Variants in STAU2 observed in about 807,000 individuals in gnomAD.
The protein encoded by STAU2 is staufen double-stranded RNA binding protein 2, also known as double-stranded RNA-binding protein Staufen homolog 2.
A neutral mutation model predicts 65.9 loss-of-function variants in STAU2; 20 were observed. The observed-to-expected ratio is 0.30, with a 90% CI of 0.21 to 0.44. The LOEUF is 0.44. Ranked by LOEUF, STAU2 falls within the 20% of genes least tolerant of loss-of-function variation. The pLI is 1.00. For synonymous variants in STAU2, 232 were observed against 233.9 expected (o/e 0.99, Z 0.07); for missense variants, 558 against 683.9 (o/e 0.82, Z 2.05).
intron 9 of STAU2, among the ~76,000 whole-genome samples, chr8:73,613,135 G>A (rs548141937): frequency 6.6e-6 from 1 of 152,360 alleles, no homozygotes; most frequent in East Asian, 1.9e-4. Flanking sequence ...TGGTTGCTAT[G>A]TGGATTAAAT....
intron 6 of STAU2, among the ~76,000 whole-genome samples, chr8:73,671,398 AAAAAAAAAC>A (rs1465043804): frequency 7.7e-6 from 1 of 129,358 alleles, no homozygotes; most frequent in Non-Finnish European, 1.7e-5. Flanking sequence ...ACAAACAAAC[AAAAAAAAAC>A]AAAAAAAACA....
chr8:73,741,150 A>G (rs1806834618), intron 1 of STAU2, among the ~76,000 whole-genome samples: 1 of 149,448 alleles, frequency 6.7e-6, no homozygotes, highest in South Asian at 2.1e-4. Flanking sequence ...CTAAAAATAC[A>G]AAATATTAGC....
intron 6 of STAU2, among the ~76,000 whole-genome samples, chr8:73,665,501 T>C (rs1414076864): frequency 1.3e-5 from 2 of 152,232 alleles, no homozygotes; most frequent in African/African-American, 2.4e-5. Flanking sequence ...CTTTTTCCTA[T>C]TGGGTTGAAC....
chr8:73,470,686 C>T (rs890816472), intron 13 of STAU2, among the ~76,000 whole-genome samples: 12 of 151,976 alleles, frequency 7.9e-5, no homozygotes, highest in Non-Finnish European at 1.3e-4. Context: ...TGCCTGTAAT[C>T]CCAGCTACAC....
intron 3 of STAU2, among the ~76,000 whole-genome samples, chr8:73,723,974 T>C (rs1248832355): frequency 6.6e-6 from 1 of 152,242 alleles, no homozygotes; most frequent in Non-Finnish European, 1.5e-5. Context: ...AGTTGAGTAA[T>C]TTGGAAATAG....
chr8:73,700,284 C>T (rs1167347065), intron 4 of STAU2, among the ~76,000 whole-genome samples: 1 of 152,030 alleles, frequency 6.6e-6, no homozygotes, highest in African/African-American at 2.4e-5. Context: ...CCACTTTCAC[C>T]ACTGTTATTC....
chr8:73,735,436 C>T (rs998420304), intron 3 of STAU2, among the ~76,000 whole-genome samples: 1 of 152,188 alleles, frequency 6.6e-6, no homozygotes, highest in Non-Finnish European at 1.5e-5. Context: ...TAGGAATACA[C>T]TTCTGTTAAG....
At chr8:73,492,361 A>G (rs1585867273) in intron 13 of STAU2, among the ~76,000 whole-genome samples, 2 of 151,808 alleles carry the variant, frequency 1.3e-5, no homozygotes, top group Admixed American at 1.3e-4. Context: ...TCACAGCAGT[A>G]CTCATTACCT....
rs565813048 is a variant in STAU2, at chr8:73,546,049, C to T, written c.1530+5963G>A. Among the ~76,000 whole-genome samples the T allele has an allele frequency of 6.8e-5, 5 of 73,476 alleles. No individual in the cohort carries two copies. The South Asian group carries it at 1.1e-3, about 16-fold the overall frequency. The allele number at this position is 73,476 out of a possible 152,430, so 48.2% of individuals were successfully genotyped here. On this transcript the variant is annotated intron_variant, in intron 13 of 14. Coordinates refer to ENST00000524300, the MANE Select transcript of STAU2 (RefSeq NM_001164380.2). The stretch of plus-strand genomic sequence containing the variant: ...TTCCGCCTCCCTGGTTCAAGCACTT[C>T]TCCTGCCTCAGTCTCCCAGTAGCTG...
At chr8:73,550,979 G>A in intron 13 of STAU2, 1 of 985,664 alleles carries the variant, frequency 1.0e-6, no homozygotes, top group Non-Finnish European at 1.2e-6. Flanking sequence ...ATCTTCTAGA[G>A]CATTTCTAAA....
chr8:73,467,101 A>G (rs931700378), intron 13 of STAU2, among the ~76,000 whole-genome samples: 10 of 152,266 alleles, frequency 6.6e-5, no homozygotes, highest in African/African-American at 2.4e-4. Context: ...ATAAGTTGAC[A>G]TCTTCCATTT....
chr8:73,609,444 G>T (rs914940078), intron 9 of STAU2, among the ~76,000 whole-genome samples: 1 of 151,852 alleles, frequency 6.6e-6, no homozygotes, highest in Non-Finnish European at 1.5e-5. Flanking sequence ...ATGAGGTCAG[G>T]AGATCAAGAC....
chr8:73,449,704 T>C (rs1004419313), intron 13 of STAU2, among the ~76,000 whole-genome samples: 2 of 152,172 alleles, frequency 1.3e-5, no homozygotes, highest in African/African-American at 2.4e-5. Context: ...CAGGACAGAT[T>C]AAGCTCCCTC....
intron 5 of STAU2, among the ~76,000 whole-genome samples, chr8:73,680,208 A>G (rs1210820866): frequency 4.6e-5 from 7 of 151,108 alleles, no homozygotes; most frequent in Non-Finnish European, 1.0e-4. Context: ...AGATATGAGA[A>G]CAGAAGCCAC....
chr8:73,469,884 T>C (rs1819887786), intron 13 of STAU2, among the ~76,000 whole-genome samples: 1 of 152,170 alleles, frequency 6.6e-6, no homozygotes, highest in African/African-American at 2.4e-5. Context: ...CTAATTGATG[T>C]GGCTTTTAAA....
At chr8:73,447,072 G>T (rs1226786527) in intron 13 of STAU2, among the ~76,000 whole-genome samples, 1 of 152,126 alleles carries the variant, frequency 6.6e-6, no homozygotes, top group African/African-American at 2.4e-5. Context: ...CTCCCAAGTA[G>T]CTGGGACTAC....
intron 6 of STAU2, among the ~76,000 whole-genome samples, chr8:73,631,846 A>C (rs946088344): frequency 2.0e-5 from 3 of 152,206 alleles, no homozygotes; most frequent in African/African-American, 7.2e-5. Context: ...CATGATGAGA[A>C]TAATACCTGA....
At chr8:73,739,695 T>G in intron 2 of STAU2, 61 bp downstream of exon 2, 1 of 1,387,690 alleles carries the variant, frequency 7.2e-7, no homozygotes, top group South Asian at 1.7e-5. Flanking sequence ...GGATGCTGTA[T>G]AAAGAGCACA....
At chr8:73,557,093 C>A (rs945128652) in intron 12 of STAU2, among the ~76,000 whole-genome samples, 2 of 152,096 alleles carry the variant, frequency 1.3e-5, no homozygotes, top group Non-Finnish European at 2.9e-5. Context: ...AGAAACTTAA[C>A]AGCATTACTT....
Sources: allele counts gnomAD v4.1 joint callset (sites outside exome capture counted in the v4.1 genomes callset), GRCh38; gene constraint gnomAD v4.1.1; transcripts MANE v1.5; gene names NCBI Gene and HGNC (gene_info 2026-07-23, HGNC 2026-07-21).